The following TMED6 variants were observed in gnomAD, a reference collection of about 807,000 sequenced individuals.
TMED6 encodes the protein transmembrane emp24 domain-containing protein 6.
TMED6 carries 17 observed loss-of-function variants against 26.5 expected under a neutral mutation model. The ratio of observed to expected loss-of-function variants is 0.64; its 90% CI spans 0.44 to 0.96. The LOEUF (loss-of-function observed/expected upper bound fraction) is 0.96. TMED6 is among the 40% of genes least tolerant of loss of function. The pLI, the probability that TMED6 is intolerant of heterozygous loss-of-function variation, is 0.00. For missense variants in TMED6, 309 were observed against 296.5 expected, an observed-to-expected ratio of 1.04 and a Z score of -0.31; for synonymous variants, 107 against 106.2, an observed-to-expected ratio of 1.01 and a Z score of -0.04.
At chr16:69,348,095 C>T (rs1174807345) in intron 2 of TMED6, 159 bp from the exon 3 acceptor site, 1 of 741,090 alleles carries the variant, frequency 1.3e-6, no homozygotes, top group Non-Finnish European at 2.1e-6. Context: ...AGACACGGAC[C>T]TTATGTTAAA....
intron 3 of TMED6, among the ~76,000 whole-genome samples, chr16:69,346,907 C>T (rs1220803889): frequency 6.6e-6 from 1 of 152,040 alleles, no homozygotes. Flanking sequence ...CTCAGTGGCT[C>T]AAAGTGCTGA....
At chr16:69,349,923 G>A (rs188422952) in intron 1 of TMED6, among the ~76,000 whole-genome samples, 214 of 152,284 alleles carry the variant, frequency 1.4e-3, no homozygotes, top group South Asian at 2.3e-3. Context: ...AACAGCACCC[G>A]TGTGAAGAAG....
intron 3 of TMED6, among the ~76,000 whole-genome samples, chr16:69,344,549 G>A (rs866835106): frequency 5.3e-5 from 8 of 152,002 alleles, no homozygotes; most frequent in Middle Eastern, 3.4e-3. Context: ...GAGACGGGCG[G>A]ATTACCTGAG....
chr16:69,343,741 C>T, intron 3 of TMED6, 101 bp from the exon 4 acceptor site: 1 of 890,934 alleles, frequency 1.1e-6, no homozygotes, highest in East Asian at 2.4e-5. Flanking sequence ...ATAATTTACC[C>T]ATATGATTTT....
In TMED6 at chr16:69,343,589, T is replaced by G. The variant is rs1378920659; in HGVS notation, c.541A>C (p.Asn181His). Residue 181 changes from asparagine to histidine, a missense_variant, in exon 4 of 4, where the codon AAC (asparagine) becomes CAC (histidine). Physicochemically the swap from Asn to His is moderately conservative, Grantham distance 68. Coordinates refer to ENST00000288025, the MANE Select transcript of TMED6 (RefSeq NM_144676.4). ...GCCATTTTCCTCATCCGGGCAAAGT[T>G]GTAGTATCGCCACATGTGAAAGATA... ...NNIFHMWRYYNFARMRKMADF... is the reference protein window; with the variant it reads ...NNIFHMWRYYHFARMRKMADF... The G allele has an allele frequency of 1.2e-6, 2 of 1,614,208 alleles. No individual in the cohort carries two copies. The highest frequency in any genetic ancestry group is 1.7e-6 in the Non-Finnish European group (2 of 1,180,042).
chr16:69,347,122 A>C (rs1287909316), intron 3 of TMED6, among the ~76,000 whole-genome samples: 2 of 152,142 alleles, frequency 1.3e-5, no homozygotes, highest in Non-Finnish European at 2.9e-5. Flanking sequence ...GAGAATGACT[A>C]ATGGGGAGTG....
intron 3 of TMED6, among the ~76,000 whole-genome samples, chr16:69,347,449 C>T (rs969831074): frequency 6.6e-6 from 1 of 152,114 alleles, no homozygotes; most frequent in Non-Finnish European, 1.5e-5. Flanking sequence ...ACCTCTGCCT[C>T]CCAGGGTTCA....
At chr16:69,349,046 C>T (rs1250595164) in intron 2 of TMED6, among the ~76,000 whole-genome samples, 2 of 152,208 alleles carry the variant, frequency 1.3e-5, no homozygotes, top group Non-Finnish European at 2.9e-5. Flanking sequence ...CTGCTGCTCT[C>T]CAAAGTGGGA....
chr16:69,348,462 G>C (rs1008935410), intron 2 of TMED6: 10 of 152,600 alleles, frequency 6.6e-5, no homozygotes, highest in Admixed American at 5.2e-4. Flanking sequence ...TTGTGTGTGC[G>C]GGGGGGAGGG....
In TMED6 at chr16:69,351,569, T is replaced by G; in HGVS notation, c.185A>C (p.Gln62Pro). 4 of 1,614,040 alleles carry G rather than the reference T, an allele frequency of 2.5e-6. No homozygotes were observed. Among genetic ancestry groups the G allele is most frequent in the Non-Finnish European group, 3.4e-6 (4 of 1,180,016 alleles). Residue 62 changes from glutamine to proline, a missense_variant, in exon 1 of 4, where the codon CAG (glutamine) becomes CCG (proline). By Grantham distance (76) the Gln-to-Pro change is moderately conservative. Coordinates refer to ENST00000288025, the MANE Select transcript of TMED6 (RefSeq NM_144676.4). ...GTAACTGAAATAGAAGTATCCAGTC[T>G]GGTGGGCAAATTGCCAAAAGCATTC... The part of the protein sequence containing the change: ...GTECFWQFAH[Q>P]TGYFYFSYEV...
intron 2 of TMED6, chr16:69,348,207 C>G (rs2012716768): frequency 3.5e-6 from 1 of 282,154 alleles, no homozygotes; most frequent in Non-Finnish European, 6.7e-6. Flanking sequence ...CATATAATTC[C>G]CACATCTTGT....
intron 3 of TMED6, among the ~76,000 whole-genome samples, chr16:69,346,179 T>C (rs941839094): frequency 6.6e-6 from 1 of 152,210 alleles, no homozygotes; most frequent in African/African-American, 2.4e-5. Flanking sequence ...CTTCATACAC[T>C]GCTAGCAAGA....
chr16:69,351,638 G>T lies in TMED6; in HGVS notation c.116C>A (p.Ala39Asp), dbSNP rs767813776. The T allele has an allele frequency of 1.2e-6, 2 of 1,614,064 alleles. No homozygotes were observed. The highest frequency in any genetic ancestry group is 1.7e-6 in the Non-Finnish European group (2 of 1,180,026). Residue 39 changes from alanine to aspartate, a missense_variant, in exon 1 of 4, where the codon GCT becomes GAT. By Grantham distance (126) the Ala-to-Asp change is moderately radical. Coordinates refer to ENST00000288025, the MANE Select transcript of TMED6 (RefSeq NM_144676.4). ...CATGATGGCAAAGTCATATCGATCAGCTCCACGGAAGAGTGGCTGGTCCCC... is the reference window on the plus strand; with the variant it reads ...CATGATGGCAAAGTCATATCGATCATCTCCACGGAAGAGTGGCTGGTCCCC... ...GSGDQPLFRG[A>D]DRYDFAIMIP...
intron 3 of TMED6, among the ~76,000 whole-genome samples, chr16:69,344,101 G>A (rs1240467115): frequency 6.6e-6 from 1 of 152,028 alleles, no homozygotes; most frequent in Non-Finnish European, 1.5e-5. Flanking sequence ...CCAAAGTGTT[G>A]GGATTATGGT....
chr16:69,347,841 C>G lies in TMED6; in HGVS notation c.436G>C (p.Asp146His). The change falls in exon 3 of 4, where the codon GAT (aspartate) becomes CAT (histidine). Residue 146 changes from aspartate to histidine, a missense_variant. Transcript: ENST00000288025. ...TGTTTTCTTTCCTTCTGTTTGTGAT[C>G]AGTCTCAGGCCCCTCATAGAAGACC... ...FGVFYEGPET[D>H]HKQKERKQLN... 1 of 1,614,130 alleles carries G rather than the reference C, an allele frequency of 6.2e-7. No homozygotes were observed. Among genetic ancestry groups the G allele is most frequent in the Non-Finnish European group, 8.5e-7 (1 of 1,180,026 alleles).
rs1331586506 is a variant in TMED6 at position 69,347,746 on chromosome 16, C to T, written c.489+42G>A. ...TCATCTTCCCTCTGAAGTTAAAAATCAGTTTCCACAGATGTTTCTCTTCCA... is the reference window on the plus strand; with the variant it reads ...TCATCTTCCCTCTGAAGTTAAAAATTAGTTTCCACAGATGTTTCTCTTCCA... On this transcript the variant is annotated intron_variant, in intron 3 of 3. Coordinates refer to ENST00000288025, the MANE Select transcript of TMED6 (RefSeq NM_144676.4). 3.1e-6 allele frequency: 5 copies of T among 1,607,760 alleles called. No individual in the cohort carries two copies. The South Asian group carries it at 5.5e-5, about 18-fold the overall frequency.
intron 3 of TMED6, among the ~76,000 whole-genome samples, chr16:69,345,168 T>C (rs539473672): frequency 6.6e-6 from 1 of 152,158 alleles, no homozygotes; most frequent in African/African-American, 2.4e-5. Context: ...TCCCAGCTAC[T>C]CAGGAGGCCG....
chr16:69,347,279 G>C (rs1460835935), intron 3 of TMED6, among the ~76,000 whole-genome samples: 1 of 152,206 alleles, frequency 6.6e-6, no homozygotes, highest in African/African-American at 2.4e-5. Context: ...AAGAAAAACA[G>C]GCAATGGGCC....
chr16:69,343,491 A>T lies in TMED6; in HGVS notation c.639T>A (p.Ile213=). The part of the protein sequence containing the change: ...WWSTAQSLVI[I]LSGILQLYFL... ...AATACAGTTGCAGGATCCCAGAAAG[A>T]ATAATAACAAGGCTCTGGGCTGTCG... The change falls in exon 4 of 4, where the codon ATT becomes ATA. Residue 213 remains isoleucine (I), a synonymous_variant. Coordinates refer to ENST00000288025, the MANE Select transcript of TMED6 (RefSeq NM_144676.4). 6.2e-7 allele frequency: 1 copy of T among 1,614,208 alleles called. No homozygotes were observed. Among genetic ancestry groups the T allele is most frequent in the Non-Finnish European group, 8.5e-7 (1 of 1,180,040 alleles).
Sources: allele counts gnomAD v4.1 joint callset (sites outside exome capture counted in the v4.1 genomes callset), GRCh38; gene constraint gnomAD v4.1.1; transcripts MANE v1.5; gene names NCBI Gene and HGNC (gene_info 2026-07-23, HGNC 2026-07-21).